NLGN1: variants seen among roughly 807,000 people sequenced by gnomAD.
The protein encoded by NLGN1 is neuroligin 1.
In NLGN1, 12 loss-of-function variants were observed where a neutral mutation model predicts 65.5. That is an observed-to-expected ratio of 0.18 (90% CI 0.12 to 0.30). The LOEUF is 0.30. Ranked by LOEUF, NLGN1 falls within the 10% of genes least tolerant of loss-of-function variation. NLGN1 has a pLI of 1.00. For missense variants in NLGN1, 750 were observed against 1,007.1 expected, an observed-to-expected ratio of 0.74 and a Z score of 3.46; for synonymous variants, 350 against 359.5, an observed-to-expected ratio of 0.97 and a Z score of 0.30.
chr3:174,075,121 A>G (rs1368412109), intron 4 of NLGN1, among the ~76,000 whole-genome samples: 1 of 152,164 alleles, frequency 6.6e-6, no homozygotes, highest in Non-Finnish European at 1.5e-5. Flanking sequence ...AGATTACAAA[A>G]TCTACCATAA....
chr3:173,942,235 G>C (rs1007387047), intron 4 of NLGN1, among the ~76,000 whole-genome samples: 1 of 151,688 alleles, frequency 6.6e-6, no homozygotes, highest in Admixed American at 6.6e-5. Context: ...CCTATATTCT[G>C]GGCATCTTAT....
At chr3:173,787,689 T>G (rs1711532913) in intron 3 of NLGN1, among the ~76,000 whole-genome samples, 2 of 152,338 alleles carry the variant, frequency 1.3e-5, no homozygotes, top group South Asian at 4.1e-4. Context: ...TAAATAAGCC[T>G]CTTTTAAGAT....
chr3:173,662,821 C>T (rs1761119032), intron 3 of NLGN1, among the ~76,000 whole-genome samples: 1 of 151,942 alleles, frequency 6.6e-6, no homozygotes, highest in Non-Finnish European at 1.5e-5. Flanking sequence ...TCTCACAATT[C>T]ACAAGGTAAC....
chr3:174,228,058 G>A (rs906817904), intron 4 of NLGN1, among the ~76,000 whole-genome samples: 1 of 151,684 alleles, frequency 6.6e-6, no homozygotes, highest in African/African-American at 2.4e-5. Context: ...CAGGATTATT[G>A]TGTTTTTCTC....
intron 3 of NLGN1, among the ~76,000 whole-genome samples, chr3:173,634,954 A>G (rs148802563): frequency 6.6e-6 from 1 of 152,144 alleles, no homozygotes; most frequent in African/African-American, 2.4e-5. Flanking sequence ...CCTTCTCCAC[A>G]ATGCAGGGAT....
intron 4 of NLGN1, among the ~76,000 whole-genome samples, chr3:174,163,970 A>G (rs1236498958): frequency 6.6e-6 from 1 of 152,088 alleles, no homozygotes; most frequent in Non-Finnish European, 1.5e-5. Context: ...TTGCTGGGTC[A>G]AATGATACCT....
intron 3 of NLGN1, among the ~76,000 whole-genome samples, chr3:173,719,973 G>C (rs564218633): frequency 2.0e-5 from 3 of 152,134 alleles, no homozygotes; most frequent in East Asian, 1.9e-4. Context: ...AATTAGTCAG[G>C]CATGGTGGCA....
chr3:173,606,358 G>C (rs1190439682), intron 3 of NLGN1, among the ~76,000 whole-genome samples: 1 of 152,120 alleles, frequency 6.6e-6, no homozygotes, highest in South Asian at 2.1e-4. Context: ...AATGTAGCTT[G>C]TCCACACTCC....
At chr3:174,018,331 C>T (rs186054346) in intron 4 of NLGN1, among the ~76,000 whole-genome samples, 51 of 151,924 alleles carry the variant, frequency 3.4e-4, no homozygotes, top group Admixed American at 1.6e-3. Flanking sequence ...CCTCAGCTTA[C>T]GAAGATGACA....
chr3:173,614,403 G>T (rs1752744920), intron 3 of NLGN1, among the ~76,000 whole-genome samples: 1 of 152,078 alleles, frequency 6.6e-6, no homozygotes, highest in South Asian at 2.1e-4. Context: ...GAACAGGTAT[G>T]TTCTGTGGAG....
At chr3:174,098,252 G>A (rs573651211) in intron 4 of NLGN1, among the ~76,000 whole-genome samples, 2 of 152,162 alleles carry the variant, frequency 1.3e-5, no homozygotes, top group African/African-American at 4.8e-5. Flanking sequence ...TTGTGGCTGT[G>A]CATTTATTAC....
At chr3:173,493,019 G>A (rs139276902) in intron 2 of NLGN1, among the ~76,000 whole-genome samples, 1 of 151,814 alleles carries the variant, frequency 6.6e-6, no homozygotes, top group Admixed American at 6.6e-5. Context: ...ATATGTTAAT[G>A]AATATTTCTC....
chr3:174,039,461 C>A (rs1335287655), intron 4 of NLGN1, among the ~76,000 whole-genome samples: 1 of 151,924 alleles, frequency 6.6e-6, no homozygotes, highest in Non-Finnish European at 1.5e-5. Context: ...GTGTGAAGTT[C>A]CCCTCCCTGT....
chr3:173,678,741 C>A (rs535434133), intron 3 of NLGN1, among the ~76,000 whole-genome samples: 2 of 152,104 alleles, frequency 1.3e-5, no homozygotes, highest in East Asian at 3.9e-4. Flanking sequence ...AAAATGATTA[C>A]CCTGCCAACA....
At chr3:174,022,194 C>T (rs1421858524) in intron 4 of NLGN1, among the ~76,000 whole-genome samples, 5 of 152,222 alleles carry the variant, frequency 3.3e-5, no homozygotes, top group East Asian at 1.9e-4. Context: ...CCCTAGCAGT[C>T]GGTGGGCAAC....
At chr3:173,648,939 A>G (rs762744375) in intron 3 of NLGN1, among the ~76,000 whole-genome samples, 9 of 152,170 alleles carry the variant, frequency 5.9e-5, no homozygotes, top group Non-Finnish European at 8.8e-5. Context: ...GCATGTGTCT[A>G]TTAAAAAATT....
chr3:174,170,992 G>A (rs187944209), intron 4 of NLGN1, among the ~76,000 whole-genome samples: 1 of 152,144 alleles, frequency 6.6e-6, no homozygotes, highest in African/African-American at 2.4e-5. Flanking sequence ...CATGTCAAGG[G>A]AAACAAATCA....
At chr3:173,905,428 C>T (rs1055706993) in intron 4 of NLGN1, among the ~76,000 whole-genome samples, 1 of 152,318 alleles carries the variant, frequency 6.6e-6, no homozygotes, top group Middle Eastern at 3.4e-3. Context: ...TGCTGGTTCA[C>T]TGAGAAAGAG....
chr3:173,931,603 T>G (rs1744103072), intron 4 of NLGN1, among the ~76,000 whole-genome samples: 2 of 152,042 alleles, frequency 1.3e-5, no homozygotes, highest in African/African-American at 4.8e-5. Flanking sequence ...ACTGAGGGAT[T>G]GAAAAGTGAA....
Sources: gnomAD v4.1 joint callset for allele counts (sites outside exome capture counted in the v4.1 genomes callset) on GRCh38, gnomAD v4.1.1 for gene constraint, MANE v1.5 for transcripts, NCBI Gene and HGNC (gene_info 2026-07-23, HGNC 2026-07-21) for gene names.